The following PCDHGB1 variants were observed in gnomAD, a reference collection of about 807,000 sequenced individuals.
PCDHGB1 encodes protocadherin gamma subfamily B, 1, also known as protocadherin gamma-B1.
Under a neutral mutation model 56.6 loss-of-function variants are expected in PCDHGB1, and 34 were observed. The observed-to-expected ratio is 0.60, with a 90% CI of 0.46 to 0.80. The LOEUF is 0.80. PCDHGB1 is among the 30% of genes least tolerant of loss of function. PCDHGB1 has a pLI of 0.00. For missense variants in PCDHGB1, 1,278 were observed against 1,204.6 expected (o/e 1.06, Z -0.90); for synonymous variants, 561 against 505.9 (o/e 1.11, Z -1.46).
In PCDHGB1 at chr5:141,366,672, G is replaced by A. The variant is rs202102428; in HGVS notation, c.2409+14003G>A. ...CCCAACTACGCAGACACGCTCCTTA[G>A]TGAAGAGAGCTGTGAGAAAAGCGAG... On this transcript the variant is annotated intron_variant, in intron 1 of 3. Transcript: ENST00000523390. The A allele has an allele frequency of 1.6e-4, 266 of 1,614,142 alleles. 2 individuals carry two copies. Among genetic ancestry groups the A allele is most frequent in the Non-Finnish European group, 2.9e-5 (34 of 1,180,058 alleles).
chr5:141,413,024 C>G, intron 1 of PCDHGB1: 1 of 736,254 alleles, frequency 1.4e-6, no homozygotes, highest in Non-Finnish European at 2.1e-6. Context: ...ACAAGCCCCA[C>G]AAACCGGCTG....
chr5:141,382,029 A>G (rs574099831), intron 1 of PCDHGB1, among the ~76,000 whole-genome samples: 1 of 151,502 alleles, frequency 6.6e-6, no homozygotes, highest in Non-Finnish European at 1.5e-5. Context: ...GGGTTTCTCC[A>G]TGTTGGTCAG....
rs2099883574 is a variant in PCDHGB1, at chr5:141,511,027, C to T, written c.2638C>T (p.Leu880=). The change falls in exon 4 of 4, where the codon CTG becomes TTG. Residue 880 remains leucine (L), a synonymous_variant. Transcript: ENST00000523390. ...CGCCCGCTACGGACCCCAGTTCACCCTGCAGCACGTGCCCGACTACCGCCA... is the reference window on the plus strand; with the variant it reads ...CGCCCGCTACGGACCCCAGTTCACCTTGCAGCACGTGCCCGACTACCGCCA... The part of the protein sequence containing the change: ...LSARYGPQFT[L]QHVPDYRQNV... 2 of 1,614,230 alleles carry T rather than the reference C, an allele frequency of 1.2e-6. No individual in the cohort carries two copies. The highest frequency in any genetic ancestry group is 1.7e-6 in the Non-Finnish European group (2 of 1,180,034).
At chr5:141,392,063 A>G (rs2092459837) in intron 1 of PCDHGB1, 1 of 152,218 alleles carries the variant, frequency 6.6e-6, no homozygotes, top group African/African-American at 2.4e-5. Context: ...TATTATCGAC[A>G]TGTAATTCAA....
intron 1 of PCDHGB1, chr5:141,399,178 A>T: frequency 6.2e-7 from 1 of 1,613,892 alleles, no homozygotes; most frequent in Admixed American, 1.7e-5. Flanking sequence ...TCTACTTGAA[A>T]TGATTCTGGA....
chr5:141,482,891 G>A (rs1594277958), intron 1 of PCDHGB1, among the ~76,000 whole-genome samples: 2 of 152,168 alleles, frequency 1.3e-5, no homozygotes, highest in East Asian at 3.8e-4. Flanking sequence ...GGCCAACATG[G>A]TGAAACCTCA....
intron 1 of PCDHGB1, among the ~76,000 whole-genome samples, chr5:141,458,009 G>T (rs1039110082): frequency 2.6e-5 from 4 of 152,142 alleles, no homozygotes; most frequent in Non-Finnish European, 4.4e-5. Context: ...AAAATAACCG[G>T]TTTTTCCAAT....
chr5:141,424,556 G>C (rs2096828013), intron 1 of PCDHGB1: 1 of 152,128 alleles, frequency 6.6e-6, no homozygotes, highest in South Asian at 2.1e-4. Context: ...TTGATTCAGT[G>C]CTTCTCAAAA....
chr5:141,350,183 A>G lies in PCDHGB1; in HGVS notation c.-78A>G. On this transcript the variant is annotated 5_prime_UTR_variant, in exon 1 of 4. Transcript: ENST00000523390. ...CCTAACTAATAAGTCCTAAGCTCAAATCACAGAAGTCCAGGGTGCTGCCAT... is the reference window on the plus strand; with the variant it reads ...CCTAACTAATAAGTCCTAAGCTCAAGTCACAGAAGTCCAGGGTGCTGCCAT... The G allele has an allele frequency of 7.4e-7, 1 of 1,343,484 alleles. No homozygotes were observed. The highest frequency in any genetic ancestry group is 2.5e-5 in the East Asian group (1 of 39,910). The allele number at this position is 1,343,484 out of a possible 1,614,324, so 83.2% of individuals were successfully genotyped here. A position where few individuals can be genotyped will look rare whatever the true frequency, so the allele number is the denominator to read the frequency against.
At chr5:141,410,348 C>T (rs761119683) in intron 1 of PCDHGB1, 3 of 1,614,034 alleles carry the variant, frequency 1.9e-6, no homozygotes, top group East Asian at 2.2e-5. Context: ...CTTGCGCCTG[C>T]GACGCTCTCT....
At chr5:141,419,276 CAA>C in intron 1 of PCDHGB1, 4 of 1,614,038 alleles carry the variant, frequency 2.5e-6, no homozygotes, top group Non-Finnish European at 3.4e-6. Flanking sequence ...CTCCATAGCG[CAA>C]GTCAGTGCCT....
intron 1 of PCDHGB1, chr5:141,428,122 G>A: frequency 6.2e-7 from 1 of 1,606,172 alleles, no homozygotes; most frequent in Non-Finnish European, 8.5e-7. Context: ...ATCGAGCCCG[G>A]GCTTTTCAGC....
intron 1 of PCDHGB1, among the ~76,000 whole-genome samples, chr5:141,438,609 T>TATAC (rs2098013849): frequency 2.4e-5 from 1 of 41,118 alleles, no homozygotes; most frequent in Non-Finnish European, 3.9e-5. Context: ...TATATATATA[T>TATAC]ATATATATAT....
chr5:141,379,192 T>A (rs970501153), intron 1 of PCDHGB1: 36 of 152,346 alleles, frequency 2.4e-4, no homozygotes, highest in African/African-American at 8.7e-4. Context: ...AGTTGATGTG[T>A]TTTTAAATAA....
intron 1 of PCDHGB1, chr5:141,413,229 C>T (rs200934469): frequency 6.2e-7 from 1 of 1,613,914 alleles, no homozygotes; most frequent in African/African-American, 1.3e-5. Context: ...GCGGGCTGGT[C>T]CTGCTCTGCC....
chr5:141,449,708 AT>A (rs2098652573), intron 1 of PCDHGB1, among the ~76,000 whole-genome samples: 1 of 151,520 alleles, frequency 6.6e-6, no homozygotes. Context: ...CAAACACATT[AT>A]TTTTATATGA....
chr5:141,373,048 A>G (rs1215321006), intron 1 of PCDHGB1, among the ~76,000 whole-genome samples: 2 of 152,146 alleles, frequency 1.3e-5, no homozygotes, highest in African/African-American at 4.8e-5. Flanking sequence ...ATCCTAATAC[A>G]CTATAATCTG....
intron 1 of PCDHGB1, chr5:141,422,758 A>AAC (rs748292321): frequency 6.2e-7 from 1 of 1,613,150 alleles, no homozygotes. Flanking sequence ...TATTAACTCC[A>AAC]ACACTGGTGT....
In PCDHGB1 at chr5:141,404,489, G is replaced by A. The variant is rs867768935; in HGVS notation, c.2409+51820G>A. 30 of 1,613,796 alleles carry A rather than the reference G, an allele frequency of 1.9e-5. No individual in the cohort carries two copies. The highest frequency in any genetic ancestry group is 1.3e-4 in the African/African-American group (10 of 75,048). On this transcript the variant is annotated intron_variant, in intron 1 of 3. Transcript: ENST00000523390. ...TGTCTCTATTAACTCAGACACTGGT[G>A]TGCTGTATGCTCTGTGCTCCTTTGA...
Sources: allele counts gnomAD v4.1 joint callset (sites outside exome capture counted in the v4.1 genomes callset), GRCh38; gene constraint gnomAD v4.1.1; transcripts MANE v1.5; gene names NCBI Gene and HGNC (gene_info 2026-07-23, HGNC 2026-07-21).